NDUFAB1: variants seen among roughly 807,000 people sequenced by gnomAD.
NDUFAB1 encodes the protein acyl carrier protein, mitochondrial.
NDUFAB1 carries 5 observed loss-of-function variants against 16.1 expected under a neutral mutation model. The observed-to-expected ratio is 0.31, with a 90% CI of 0.16 to 0.65. NDUFAB1 has a LOEUF of 0.65. Ranked by LOEUF, NDUFAB1 falls within the 30% of genes least tolerant of loss-of-function variation. The pLI is 0.77. For synonymous variants in NDUFAB1, 85 were observed against 78.4 expected, an observed-to-expected ratio of 1.08 and a Z score of -0.44; for missense variants, 187 against 205.3, an observed-to-expected ratio of 0.91 and a Z score of 0.54.
At chr16:23,582,865 G>A (rs574105986) in intron 3 of NDUFAB1, among the ~76,000 whole-genome samples, 6 of 151,554 alleles carry the variant, frequency 4.0e-5, no homozygotes, top group South Asian at 4.2e-4. Context: ...CTCTGATGCC[G>A]AGCCGAAGCT....
chr16:23,581,995 T>C (rs762190547), intron 4 of NDUFAB1: 8 of 202,344 alleles, frequency 4.0e-5, no homozygotes, highest in Admixed American at 1.2e-4. Flanking sequence ...CAGAGGTCTG[T>C]TTCCAGGTTA....
At chr16:23,585,092 G>A (rs1394537683) in intron 3 of NDUFAB1, among the ~76,000 whole-genome samples, 3 of 152,148 alleles carry the variant, frequency 2.0e-5, no homozygotes, top group East Asian at 1.9e-4. Flanking sequence ...CTGGTCATTC[G>A]GCTCTTGGCA....
chr16:23,593,849 CTTATTTATTTATTTAT>C (rs57003710), intron 1 of NDUFAB1, among the ~76,000 whole-genome samples: 8,390 of 143,558 alleles, frequency 0.058, 287 homozygotes, highest in East Asian at 0.15. Flanking sequence ...CTTTTTAACC[CTTATTTATTTATTTAT>C]TTATTTATTT....
intron 1 of NDUFAB1, among the ~76,000 whole-genome samples, chr16:23,588,849 G>A (rs1966255003): frequency 6.6e-6 from 1 of 152,114 alleles, no homozygotes; most frequent in African/African-American, 2.4e-5. Flanking sequence ...GTGGTGGTGT[G>A]TGCCTGTAAT....
At chr16:23,587,360 A>G (rs1184710817) in intron 1 of NDUFAB1, 41 bp from the exon 2 acceptor site, 2 of 1,607,404 alleles carry the variant, frequency 1.2e-6, no homozygotes, top group East Asian at 4.5e-5. Context: ...ATTGAATGGA[A>G]AATACCTCTA....
At chr16:23,583,701 CG>C (rs879782074) in intron 3 of NDUFAB1, among the ~76,000 whole-genome samples, 3,354 of 124,354 alleles carry the variant, frequency 0.027, 510 homozygotes, top group African/African-American at 0.063. Context: ...GCCCGGCAGC[CG>C]CCCCGTCTGG....
At chr16:23,582,424 C>T (rs1368305894) in intron 3 of NDUFAB1, 49 bp from the exon 4 acceptor site, 1 of 1,486,648 alleles carries the variant, frequency 6.7e-7, no homozygotes, top group Admixed American at 2.7e-5. Flanking sequence ...AAAAAAAATC[C>T]TTTAGAACTG....
chr16:23,586,474 A>C (rs1399858437), intron 2 of NDUFAB1, among the ~76,000 whole-genome samples: 2 of 151,286 alleles, frequency 1.3e-5, no homozygotes, highest in Admixed American at 1.3e-4. Context: ...GGCTGGGATT[A>C]CAGGTGTCTG....
At chr16:23,587,873 G>A (rs1000343721) in intron 1 of NDUFAB1, among the ~76,000 whole-genome samples, 6 of 152,250 alleles carry the variant, frequency 3.9e-5, no homozygotes, top group Non-Finnish European at 8.8e-5. Flanking sequence ...GAGGGGATGA[G>A]GGAGCTTACA....
chr16:23,581,956 GC>G (rs1966183170), intron 4 of NDUFAB1: 1 of 168,676 alleles, frequency 5.9e-6, no homozygotes, highest in Non-Finnish European at 1.3e-5. Flanking sequence ...AGCAGGCTGG[GC>G]TTACCTTGGC....
intron 1 of NDUFAB1, among the ~76,000 whole-genome samples, chr16:23,592,807 C>G (rs568691053): frequency 6.6e-6 from 1 of 152,274 alleles, no homozygotes; most frequent in East Asian, 1.9e-4. Context: ...TGACTAGTTG[C>G]TCTGAAGTTG....
At chr16:23,589,316 T>A (rs12446966) in intron 1 of NDUFAB1, among the ~76,000 whole-genome samples, 13 of 149,072 alleles carry the variant, frequency 8.7e-5, no homozygotes, top group Admixed American at 4.7e-4. Flanking sequence ...AAAAAAAAAA[T>A]CAGGTTTAAT....
chr16:23,585,892 T>C (rs1394909682), intron 2 of NDUFAB1, among the ~76,000 whole-genome samples: 1 of 152,224 alleles, frequency 6.6e-6, no homozygotes, highest in African/African-American at 2.4e-5. Flanking sequence ...AAGTGAACAA[T>C]ATATACATAG....
chr16:23,596,030 C>T lies in NDUFAB1; in HGVS notation c.168+93G>A, dbSNP rs1013057025. On this transcript the variant is annotated intron_variant, in intron 1 of 4. Transcript: ENST00000007516. ...CGGCTGCCCCCCGGGTCACCCCTGC[C>T]TGCAGCTGGCGCGCCCCGGATGCCC... is the stretch of plus-strand genomic sequence containing the variant. 1.7e-5 allele frequency: 25 copies of T among 1,454,318 alleles called. No homozygotes were observed. In the African/African-American group the frequency reaches 3.1e-4, roughly 18 times the overall value. The allele number at this position is 1,454,318 out of a possible 1,614,324, so 90.1% of individuals were successfully genotyped here. A position where few individuals can be genotyped will look rare whatever the true frequency, so the allele number is the denominator to read the frequency against.
At chr16:23,587,169 G>A (rs752564539) in intron 2 of NDUFAB1, 28 bp downstream of exon 2, 2 of 1,597,514 alleles carry the variant, frequency 1.3e-6, no homozygotes, top group African/African-American at 2.7e-5. Context: ...TATATTTAAA[G>A]AAAAAAATTC....
chr16:23,586,663 T>G (rs1355785463), intron 2 of NDUFAB1, among the ~76,000 whole-genome samples: 2 of 147,454 alleles, frequency 1.4e-5, no homozygotes, highest in Non-Finnish European at 3.0e-5. Context: ...TATTATTATT[T>G]TTGAGATGGA....
At chr16:23,589,439 C>T (rs1000091514) in intron 1 of NDUFAB1, among the ~76,000 whole-genome samples, 1 of 152,098 alleles carries the variant, frequency 6.6e-6, no homozygotes, top group Non-Finnish European at 1.5e-5. Context: ...AGTCTCCTTT[C>T]GTATTATACA....
At chr16:23,582,144 A>G in intron 4 of NDUFAB1, 132 bp downstream of exon 4, 1 of 1,163,794 alleles carries the variant, frequency 8.6e-7, no homozygotes, top group South Asian at 2.0e-5. Context: ...AGACAACAGG[A>G]AAGGGCTTGC....
At chr16:23,587,067 A>G in intron 2 of NDUFAB1, 130 bp downstream of exon 2, 3 of 821,278 alleles carry the variant, frequency 3.7e-6, no homozygotes, top group Non-Finnish European at 5.8e-6. Context: ...AGCGCTGGCT[A>G]TCTCCCAGAA....
Sources: allele counts gnomAD v4.1 joint callset (sites outside exome capture counted in the v4.1 genomes callset), GRCh38; gene constraint gnomAD v4.1.1; transcripts MANE v1.5; gene names NCBI Gene and HGNC (gene_info 2026-07-23, HGNC 2026-07-21).